PTPRG: variants seen among roughly 807,000 people sequenced by gnomAD.
PTPRG encodes the protein receptor-type tyrosine-protein phosphatase gamma.
PTPRG carries 102 observed loss-of-function variants against 165.3 expected under a neutral mutation model. That is an observed-to-expected ratio of 0.62 (90% CI 0.53 to 0.73). The LOEUF (loss-of-function observed/expected upper bound fraction) is 0.73, where lower values mean the gene tolerates loss of function less well. PTPRG is among the 30% of genes least tolerant of loss of function. The pLI is 0.00. For synonymous variants in PTPRG, 675 were observed against 669.5 expected (o/e 1.01, Z -0.13); for missense variants, 1,866 against 1,861.4 (o/e 1.00, Z -0.05).
intron 7 of PTPRG, among the ~76,000 whole-genome samples, chr3:62,166,293 C>G (rs1172900850): frequency 2.4e-5 from 3 of 126,258 alleles, no homozygotes; most frequent in Non-Finnish European, 4.8e-5. Flanking sequence ...AGTTGCTGTT[C>G]CATTCCTCAT....
At chr3:61,780,395 G>C (rs1180060899) in intron 2 of PTPRG, among the ~76,000 whole-genome samples, 9 of 152,156 alleles carry the variant, frequency 5.9e-5, no homozygotes, top group Non-Finnish European at 2.9e-5. Context: ...TCCTGCTTGT[G>C]ACTAAATCAC....
intron 8 of PTPRG, among the ~76,000 whole-genome samples, chr3:62,173,866 T>G (rs1377640743): frequency 6.6e-6 from 1 of 152,186 alleles, no homozygotes; most frequent in African/African-American, 2.4e-5. Flanking sequence ...ATCCAGCCTT[T>G]CGGTGCCAAG....
At chr3:61,731,731 T>G (rs2032509911) in intron 1 of PTPRG, among the ~76,000 whole-genome samples, 1 of 152,140 alleles carries the variant, frequency 6.6e-6, no homozygotes, top group Non-Finnish European at 1.5e-5. Context: ...TTCCCATTTA[T>G]TTTTCCAGCT....
intron 1 of PTPRG, among the ~76,000 whole-genome samples, chr3:61,584,789 T>G (rs1221811386): frequency 6.6e-6 from 1 of 152,288 alleles, no homozygotes; most frequent in East Asian, 1.9e-4. Context: ...ACACGGAATC[T>G]TATTAAAAAT....
At chr3:62,039,844 C>CT (rs386396835) in intron 4 of PTPRG, among the ~76,000 whole-genome samples, 1 of 151,936 alleles carries the variant, frequency 6.6e-6, no homozygotes, top group African/African-American at 2.4e-5. Context: ...TTTTTTCCCC[C>CT]AGCCACAGAG....
intron 15 of PTPRG, among the ~76,000 whole-genome samples, chr3:62,250,271 T>A (rs1701382039): frequency 6.6e-6 from 1 of 152,222 alleles, no homozygotes; most frequent in Non-Finnish European, 1.5e-5. Flanking sequence ...TCACGCAGTC[T>A]GGCTCTGGCT....
At chr3:62,238,471 C>T (rs985231587) in intron 14 of PTPRG, among the ~76,000 whole-genome samples, 7 of 152,132 alleles carry the variant, frequency 4.6e-5, no homozygotes, top group Non-Finnish European at 1.0e-4. Flanking sequence ...TTGACAACTT[C>T]AATGCCTTCA....
chr3:61,656,050 C>G (rs1044846451), intron 1 of PTPRG, among the ~76,000 whole-genome samples: 3 of 135,150 alleles, frequency 2.2e-5, no homozygotes, highest in African/African-American at 5.9e-5. Flanking sequence ...CCCCCCCCCC[C>G]CCGACCATCT....
intron 1 of PTPRG, among the ~76,000 whole-genome samples, chr3:61,745,639 G>T (rs759037225): frequency 4.6e-5 from 7 of 152,198 alleles, no homozygotes; most frequent in Admixed American, 4.6e-4. Context: ...TAGCAGAACC[G>T]TACCTTTTAC....
At chr3:62,251,578 G>A (rs1701419724) in intron 15 of PTPRG, among the ~76,000 whole-genome samples, 1 of 152,098 alleles carries the variant, frequency 6.6e-6, no homozygotes, top group South Asian at 2.1e-4. Flanking sequence ...TGAGGTGGCA[G>A]TGAGATACAA....
At chr3:61,562,397 G>A in intron 1 of PTPRG, 25 bp downstream of exon 1, 1 of 1,610,076 alleles carries the variant, frequency 6.2e-7, no homozygotes. Flanking sequence ...CCGAGGGGAT[G>A]CGGCCCCGGC....
intron 7 of PTPRG, among the ~76,000 whole-genome samples, chr3:62,160,733 T>C (rs1244767096): frequency 1.3e-5 from 2 of 152,242 alleles, no homozygotes; most frequent in African/African-American, 4.8e-5. Context: ...GTTTGCATCT[T>C]GTAGGTTAAA....
chr3:61,880,709 T>G (rs1445226693), intron 2 of PTPRG, among the ~76,000 whole-genome samples: 1 of 150,434 alleles, frequency 6.6e-6, no homozygotes, highest in Non-Finnish European at 1.5e-5. Context: ...GCTAAAAGAA[T>G]GAGAACGTGA....
chr3:61,952,970 C>G (rs996047721), intron 2 of PTPRG, among the ~76,000 whole-genome samples: 7 of 152,220 alleles, frequency 4.6e-5, no homozygotes, highest in African/African-American at 1.7e-4. Flanking sequence ...GAATGTATCA[C>G]TCCTGTGTCA....
At chr3:61,802,998 A>G (rs1052191582) in intron 2 of PTPRG, among the ~76,000 whole-genome samples, 7 of 152,238 alleles carry the variant, frequency 4.6e-5, no homozygotes, top group Admixed American at 1.3e-4. Context: ...AAACTAGGGC[A>G]CACAGGCCAA....
At chr3:61,577,297 C>T (rs573995876) in intron 1 of PTPRG, among the ~76,000 whole-genome samples, 5 of 152,218 alleles carry the variant, frequency 3.3e-5, no homozygotes, top group Non-Finnish European at 5.9e-5. Flanking sequence ...CAGGTAATCC[C>T]GTATTTGTTT....
chr3:61,626,095 A>T (rs2106914905), intron 1 of PTPRG, among the ~76,000 whole-genome samples: 2 of 151,966 alleles, frequency 1.3e-5, no homozygotes, highest in Admixed American at 1.3e-4. Flanking sequence ...TAAAAGGCAT[A>T]ATTGAAATAC....
At position 61,947,217 on chromosome 3, in the gene PTPRG, G is replaced by A. The variant is rs1023768053; in HGVS notation, c.191-42408G>A. ...AAGGAGATAAACTAAGTGGACTAAA[G>A]GTCAGTTTTGTGGTTGGCCTGTGTA... On this transcript the variant is annotated intron_variant, in intron 2 of 29. Coordinates refer to ENST00000474889, the MANE Select transcript of PTPRG (RefSeq NM_002841.4). Among the ~76,000 whole-genome samples, 5 of 152,238 alleles carry A rather than the reference G, an allele frequency of 3.3e-5. No individual in the cohort carries two copies. In the South Asian group the frequency reaches 6.2e-4, roughly 19 times the overall value.
intron 1 of PTPRG, among the ~76,000 whole-genome samples, chr3:61,713,420 C>T (rs2031661487): frequency 6.6e-6 from 1 of 151,796 alleles, no homozygotes; most frequent in Non-Finnish European, 1.5e-5. Flanking sequence ...ATCCACCCGC[C>T]TCGGCTTCCC....
Sources: allele counts gnomAD v4.1 joint callset (sites outside exome capture counted in the v4.1 genomes callset), GRCh38; gene constraint gnomAD v4.1.1; transcripts MANE v1.5; gene names NCBI Gene and HGNC (gene_info 2026-07-23, HGNC 2026-07-21).